BTBD10: variants seen among roughly 807,000 people sequenced by gnomAD.
BTBD10 encodes the protein BTB domain containing 10.
BTBD10 carries 21 observed loss-of-function variants against 53.2 expected under a neutral mutation model. The observed-to-expected ratio is 0.39, with a 90% CI of 0.28 to 0.57. BTBD10 has a LOEUF of 0.57. Among genes scored for constraint, BTBD10 ranks in the 20% least tolerant of loss-of-function variants. The probability of loss-of-function intolerance (pLI) is 0.53; values close to 1 mark genes in which losing one functional copy is unlikely to be tolerated. For synonymous variants in BTBD10, 149 were observed against 192.7 expected, an observed-to-expected ratio of 0.77 and a Z score of 1.88; for missense variants, 360 against 594.7, an observed-to-expected ratio of 0.61 and a Z score of 4.10.
At chr11:13,431,740 T>C (rs1391962057) in intron 2 of BTBD10, among the ~76,000 whole-genome samples, 1 of 152,150 alleles carries the variant, frequency 6.6e-6, no homozygotes, top group Non-Finnish European at 1.5e-5. Flanking sequence ...AATGCAAATC[T>C]GGTATGAACT....
At chr11:13,414,771 C>T (rs796695595) in intron 5 of BTBD10, among the ~76,000 whole-genome samples, 132 of 139,636 alleles carry the variant, frequency 9.5e-4, no homozygotes, top group Middle Eastern at 3.9e-3. Flanking sequence ...ACTCAGGAGG[C>T]AGAGGTTGCA....
Position 13,409,453 on chromosome 11 carries a change from G to A in BTBD10, c.809-3597C>T, listed in dbSNP as rs530582025. Among the ~76,000 whole-genome samples the A allele has an allele frequency of 1.2e-4, 18 of 152,274 alleles. No individual in the cohort carries two copies. The East Asian group carries it at 3.5e-3, about 29-fold the overall frequency. On this transcript the variant is annotated intron_variant, in intron 6 of 8. Transcript: ENST00000278174. ...AACTTAGAACAGTGCTTAGTACAGAGTAGAGTCATTAAATATTTGTTTAAT... is the reference window on the plus strand; with the variant it reads ...AACTTAGAACAGTGCTTAGTACAGAATAGAGTCATTAAATATTTGTTTAAT...
chr11:13,396,732 TGA>T lies in BTBD10; in HGVS notation c.1117+6434_1117+6435del, dbSNP rs373800073. Among the ~76,000 whole-genome samples the T allele has an allele frequency of 4.1e-3, 623 of 152,344 alleles. 3 individuals carry two copies. Among genetic ancestry groups the T allele is most frequent in the Middle Eastern group, 0.017 (5 of 294 alleles). ...TACGTTCCATCAATATCTAATTTATTGAGAGTTTTTAGCATGAAGTGTTGTTG... is the reference window on the plus strand; with the variant it reads ...TACGTTCCATCAATATCTAATTTATTGAGTTTTTAGCATGAAGTGTTGTTG... On this transcript the variant is annotated intron_variant, in intron 8 of 8. Coordinates refer to ENST00000278174, the MANE Select transcript of BTBD10 (RefSeq NM_032320.7).
rs559785451 is a variant in BTBD10, at chr11:13,461,908, A to G, written c.-58+1184T>C. Among the ~76,000 whole-genome samples the G allele has an allele frequency of 2.6e-5, 4 of 151,136 alleles. No individual in the cohort carries two copies. The East Asian group carries it at 7.8e-4, about 29-fold the overall frequency. On this transcript the variant is annotated intron_variant, in intron 1 of 8. Transcript: ENST00000278174. ...AAAATTTATAAAACACATTTACATC[A>G]TCAGAAATAATTCTTCTCACACTTT...
Position 13,419,098 on chromosome 11 carries a change from T to G in BTBD10, c.584+362A>C, listed in dbSNP as rs1190973547. ...ATGCTGATTGTTTATATTTTGTGAT[T>G]GAATGGGAACCCAAGTGCAGGAAAC... On this transcript the variant is annotated intron_variant, in intron 4 of 8. Coordinates refer to ENST00000278174, the MANE Select transcript of BTBD10 (RefSeq NM_032320.7). Among the ~76,000 whole-genome samples the G allele has an allele frequency of 4.6e-5, 7 of 152,138 alleles. No homozygotes were observed. In the South Asian group the frequency reaches 1.0e-3, roughly 23 times the overall value.
intron 6 of BTBD10, among the ~76,000 whole-genome samples, chr11:13,409,436 A>G (rs1239878666): frequency 1.3e-5 from 2 of 152,216 alleles, no homozygotes; most frequent in East Asian, 3.8e-4. Flanking sequence ...AAAACTTAGA[A>G]CAGTGCTTAG....
At chr11:13,454,037 G>A (rs1490684766) in intron 1 of BTBD10, among the ~76,000 whole-genome samples, 1 of 152,060 alleles carries the variant, frequency 6.6e-6, no homozygotes, top group Non-Finnish European at 1.5e-5. Flanking sequence ...GGGCAACAGA[G>A]CAAGACTCCA....
intron 7 of BTBD10, chr11:13,404,423 C>T (rs1193589725): frequency 1.2e-5 from 2 of 165,394 alleles, no homozygotes; most frequent in Non-Finnish European, 1.2e-5. Context: ...GGTTTATTAT[C>T]ATTCCTTTAT....
At chr11:13,441,235 A>C (rs749518399) in intron 2 of BTBD10, among the ~76,000 whole-genome samples, 1 of 152,132 alleles carries the variant, frequency 6.6e-6, no homozygotes, top group Non-Finnish European at 1.5e-5. Context: ...ACTGTAAACA[A>C]ATTTTTAAAA....
chr11:13,423,493 AG>A (rs1490864514), intron 2 of BTBD10, among the ~76,000 whole-genome samples: 1 of 152,198 alleles, frequency 6.6e-6, no homozygotes, highest in Non-Finnish European at 1.5e-5. Flanking sequence ...ATGACAGATG[AG>A]GATGTTAAAG....
Position 13,445,054 on chromosome 11 carries a change from C to A in BTBD10, c.71G>T (p.Ser24Ile), listed in dbSNP as rs1950727606. 1 of 1,612,830 alleles carries A rather than the reference C, an allele frequency of 6.2e-7. No homozygotes were observed. The highest frequency in any genetic ancestry group is 8.5e-7 in the Non-Finnish European group (1 of 1,179,196). ...ATGTTTATAAAGTTTACGAGGTCTA[C>A]TATGCAATTTCCGATCCCAATTCTC... ...DPENWDRKLH[S>I]RPRKLYKHSS... is the part of the protein sequence containing the mutation. The change falls in exon 2 of 9, where the codon AGT becomes ATT. Residue 24 changes from serine to isoleucine, a missense_variant. By Grantham distance (142) the Ser-to-Ile change is moderately radical. Around this residue, in one of 6 missense-constraint regions of BTBD10, gnomAD observed 81 missense variants for 82.6 expected, o/e 0.98. Coordinates refer to ENST00000278174, the MANE Select transcript of BTBD10 (RefSeq NM_032320.7).
intron 5 of BTBD10, among the ~76,000 whole-genome samples, chr11:13,415,344 C>T (rs559113003): frequency 6.6e-6 from 1 of 152,180 alleles, no homozygotes; most frequent in South Asian, 2.1e-4. Flanking sequence ...TGTTGGCAAA[C>T]TGACAAACTG....
chr11:13,460,945 T>C (rs1482111386), intron 1 of BTBD10, among the ~76,000 whole-genome samples: 1 of 152,258 alleles, frequency 6.6e-6, no homozygotes, highest in Non-Finnish European at 1.5e-5. Flanking sequence ...TGCTCAGAAC[T>C]CTGAGTTTTT....
chr11:13,429,343 T>A (rs1357938094), intron 2 of BTBD10, among the ~76,000 whole-genome samples: 3 of 151,392 alleles, frequency 2.0e-5, no homozygotes, highest in Admixed American at 2.0e-4. Context: ...CCTAAATAAT[T>A]TTTTTAAAAG....
At chr11:13,420,072 C>T (rs918242603) in intron 3 of BTBD10, among the ~76,000 whole-genome samples, 4 of 151,860 alleles carry the variant, frequency 2.6e-5, no homozygotes, top group African/African-American at 9.7e-5. Flanking sequence ...CCCAAGGAAC[C>T]GAATATTCTC....
intron 8 of BTBD10, among the ~76,000 whole-genome samples, chr11:13,399,091 C>T (rs1254600232): frequency 6.6e-6 from 1 of 152,162 alleles, no homozygotes; most frequent in African/African-American, 2.4e-5. Flanking sequence ...TGAATGTTGG[C>T]CTTCCTTGCT....
intron 8 of BTBD10, among the ~76,000 whole-genome samples, chr11:13,401,774 T>TATA (rs1949720023): frequency 6.6e-6 from 1 of 152,234 alleles, no homozygotes; most frequent in Admixed American, 6.5e-5. Context: ...ACTTGGCCAG[T>TATA]ATACTCCTTA....
At chr11:13,449,814 C>G (rs989968489) in intron 1 of BTBD10, among the ~76,000 whole-genome samples, 9 of 152,144 alleles carry the variant, frequency 5.9e-5, no homozygotes, top group African/African-American at 1.9e-4. Context: ...TTATAATAAC[C>G]AGCTCTCTTG....
chr11:13,439,891 T>C, intron 2 of BTBD10: 1 of 1,529,212 alleles, frequency 6.5e-7, no homozygotes, highest in African/African-American at 1.4e-5. Flanking sequence ...CACCTTCCTT[T>C]AGTATATGCC....
Sources: allele counts gnomAD v4.1 joint callset (sites outside exome capture counted in the v4.1 genomes callset), GRCh38; gene constraint gnomAD v4.1.1; regional missense constraint gnomAD v4.1.1; transcripts MANE v1.5; gene names NCBI Gene and HGNC (gene_info 2026-07-23, HGNC 2026-07-21).